Variants in PALLD observed in about 807,000 individuals in gnomAD.
The protein encoded by PALLD is palladin, cytoskeletal associated protein, also known as palladin.
In PALLD, 61 loss-of-function variants were observed where a neutral mutation model predicts 123.5. The observed-to-expected ratio is 0.49, with a 90% confidence interval of 0.40 to 0.61. PALLD has a LOEUF of 0.61. PALLD is among the 20% of genes least tolerant of loss of function. The pLI is 0.00. For missense variants in PALLD, 1,273 were observed against 1,377.0 expected (o/e 0.92, Z 1.20); for synonymous variants, 465 against 496.4 (o/e 0.94, Z 0.84).
rs1171841834 is a variant in PALLD, at chr4:168,924,107, T to C, written c.3059-148T>C. On this transcript the variant is annotated intron_variant, in intron 18 of 21. Coordinates refer to ENST00000505667, the MANE Select transcript of PALLD (RefSeq NM_001166108.2). Reference sequence around the variant, plus strand: ...AGACCTTTGCTTGGTAAAAGAATAATTTGGAGAGGGGACTAGCATCTTACC... The same window carrying C: ...AGACCTTTGCTTGGTAAAAGAATAACTTGGAGAGGGGACTAGCATCTTACC... 7.4e-6 allele frequency: 5 copies of C among 678,964 alleles called. No homozygotes were observed. The Admixed American group carries it at 9.9e-5, about 13-fold the overall frequency. 42.1% of individuals were successfully genotyped at this position (678,964 alleles called of 1,614,324 possible). A position where few individuals can be genotyped will look rare whatever the true frequency, so the allele number is the denominator to read the frequency against.
At chr4:168,609,049 A>C (rs1241278896) in intron 2 of PALLD, among the ~76,000 whole-genome samples, 1 of 152,042 alleles carries the variant, frequency 6.6e-6, no homozygotes, top group Non-Finnish European at 1.5e-5. Flanking sequence ...ACCTCTCCAT[A>C]AAATTGGGTG....
chr4:168,854,907 C>T (rs760524589), intron 10 of PALLD, among the ~76,000 whole-genome samples: 10 of 152,162 alleles, frequency 6.6e-5, no homozygotes, highest in Non-Finnish European at 1.2e-4. Context: ...TTGGGTCCGT[C>T]TGTGCTGAGC....
intron 14 of PALLD, among the ~76,000 whole-genome samples, chr4:168,901,361 T>G (rs1327818986): frequency 1.3e-5 from 2 of 152,220 alleles, no homozygotes; most frequent in Non-Finnish European, 2.9e-5. Flanking sequence ...GTTCTCGTGC[T>G]TGTGCCCTCC....
intron 10 of PALLD, among the ~76,000 whole-genome samples, chr4:168,803,879 GCTAAT>G (rs1739742455): frequency 6.6e-6 from 1 of 152,170 alleles, no homozygotes; most frequent in Non-Finnish European, 1.5e-5. Context: ...GTCAGCAGAA[GCTAAT>G]TTACACCCTG....
At chr4:168,801,544 C>T (rs1049447031) in intron 10 of PALLD, among the ~76,000 whole-genome samples, 4 of 152,188 alleles carry the variant, frequency 2.6e-5, no homozygotes, top group Non-Finnish European at 4.4e-5. Context: ...TCCCAAAGTG[C>T]TGGGATCACA....
intron 2 of PALLD, among the ~76,000 whole-genome samples, chr4:168,523,251 GT>G (rs1763735209): frequency 7.5e-6 from 1 of 132,810 alleles, no homozygotes; most frequent in African/African-American, 2.7e-5. Context: ...GGAGGGGAGG[GT>G]AAGGAAGGAG....
rs1203916185 is a variant in PALLD, at chr4:168,869,847, C to A, written c.1965-21075C>A. On this transcript the variant is annotated intron_variant, in intron 10 of 21. Transcript: ENST00000505667. The surrounding 1 kb of genome is among the most constrained non-coding windows in gnomAD (Gnocchi z 4.5). ...GTGAGAGTGATGCAGCTGACTGACT[C>A]CTTGTGCAAAGAGGAGTGTAAAGTT... Among the ~76,000 whole-genome samples, 1 of 152,038 alleles carries A rather than the reference C, an allele frequency of 6.6e-6. No homozygotes were observed. The highest frequency in any genetic ancestry group is 1.9e-4 in the East Asian group (1 of 5,190).
At chr4:168,555,708 C>T (rs757140632) in intron 2 of PALLD, among the ~76,000 whole-genome samples, 7 of 152,168 alleles carry the variant, frequency 4.6e-5, no homozygotes, top group Non-Finnish European at 1.0e-4. Context: ...AATAGACTTG[C>T]CAAGCATAAC....
At chr4:168,883,606 G>A (rs534538866) in intron 10 of PALLD, among the ~76,000 whole-genome samples, 2 of 152,268 alleles carry the variant, frequency 1.3e-5, no homozygotes, top group East Asian at 3.9e-4. Context: ...TTATTCAGTA[G>A]CCAAAAAAAG....
At chr4:168,550,383 AG>A (rs1766606006) in intron 2 of PALLD, among the ~76,000 whole-genome samples, 2 of 152,208 alleles carry the variant, frequency 1.3e-5, no homozygotes, top group South Asian at 4.1e-4. Flanking sequence ...GAGCTCCCCC[AG>A]GCCTACAAGT....
intron 8 of PALLD, among the ~76,000 whole-genome samples, chr4:168,705,953 A>G (rs2150181886): frequency 6.6e-6 from 1 of 152,308 alleles, no homozygotes; most frequent in East Asian, 1.9e-4. Flanking sequence ...TTAAATTACC[A>G]TAAATGGATG....
intron 16 of PALLD, 109 bp downstream of exon 16, chr4:168,914,130 T>C (rs1759624135): frequency 3.9e-6 from 3 of 766,090 alleles, no homozygotes; most frequent in African/African-American, 3.5e-5. Context: ...AACTGGAAGA[T>C]AGAATAGGAA....
In PALLD at chr4:168,903,796, A is replaced by T. The variant is rs1304907226; in HGVS notation, c.2512A>T (p.Ser838Cys). ...FKDGKQISPK[S>C]DHYTIQRDLD... ...AGATGGGAAGCAGATCTCTCCAAAG[A>T]GTGATCACTACACCATTCAAAGAGA... Residue 838 changes from serine (S) to cysteine (C), a missense_variant, in exon 15 of 22, where the codon AGT becomes TGT. This residue lies in a region of PALLD where 329 missense variants were observed against 422.5 expected (regional missense o/e 0.78). Coordinates refer to ENST00000505667, the MANE Select transcript of PALLD (RefSeq NM_001166108.2). 1 of 1,612,102 alleles carries T rather than the reference A, an allele frequency of 6.2e-7. No individual in the cohort carries two copies. Among genetic ancestry groups the T allele is most frequent in the Admixed American group, 1.7e-5 (1 of 60,026 alleles).
chr4:168,558,399 A>G (rs889347410), intron 2 of PALLD, among the ~76,000 whole-genome samples: 3 of 152,184 alleles, frequency 2.0e-5, no homozygotes, highest in African/African-American at 4.8e-5. Context: ...GGTATCCCAC[A>G]TGCAAGGAAG....
chr4:168,558,538 C>T (rs1234174364), intron 2 of PALLD, among the ~76,000 whole-genome samples: 1 of 152,220 alleles, frequency 6.6e-6, no homozygotes, highest in African/African-American at 2.4e-5. Flanking sequence ...TGAGTCTCTT[C>T]ACCAGCCCTT....
intron 18 of PALLD, 52 bp downstream of exon 18, chr4:168,921,793 C>T: frequency 1.5e-6 from 2 of 1,326,020 alleles, no homozygotes; most frequent in South Asian, 1.2e-5. Context: ...ATCAGACTTA[C>T]AAATGTAAAC....
rs540971142 is a variant in PALLD, at chr4:168,603,998, A to T, written c.909-64192A>T. ...ATATCCAGAAATATCTCATGGTATT[A>T]ATCGTGAAACATAATCTGGAAAAAA... On this transcript the variant is annotated intron_variant, in intron 2 of 21. Coordinates refer to ENST00000505667, the MANE Select transcript of PALLD (RefSeq NM_001166108.2). Among the ~76,000 whole-genome samples, 7 of 152,382 alleles carry T rather than the reference A, an allele frequency of 4.6e-5. No individual in the cohort carries two copies. The South Asian group carries it at 1.4e-3, about 32-fold the overall frequency.
At chr4:168,745,615 G>A (rs1037946326) in intron 10 of PALLD, among the ~76,000 whole-genome samples, 4 of 152,060 alleles carry the variant, frequency 2.6e-5, no homozygotes, top group African/African-American at 9.7e-5. Flanking sequence ...GAGTTTAATG[G>A]TATTTTCATT....
In PALLD at chr4:168,809,522, A is replaced by G. The variant is rs560692778; in HGVS notation, c.1965-81400A>G. On this transcript the variant is annotated intron_variant, in intron 10 of 21. Transcript: ENST00000505667. ...GCTCCAGGGAAAGTCTTAGACTGAG[A>G]AGAGAGGAGGGCTAAAGACAGACTC... is the stretch of plus-strand genomic sequence containing the variant. Among the ~76,000 whole-genome samples, 97 of 152,246 alleles carry G rather than the reference A, an allele frequency of 6.4e-4. 1 individual carries two copies. The highest frequency in any genetic ancestry group is 2.2e-3 in the African/African-American group (90 of 41,536).
Sources: allele counts gnomAD v4.1 joint callset (sites outside exome capture counted in the v4.1 genomes callset), GRCh38; gene constraint gnomAD v4.1.1; regional missense constraint gnomAD v4.1.1; non-coding constraint Gnocchi (gnomAD v3.1); transcripts MANE v1.5; gene names NCBI Gene and HGNC (gene_info 2026-07-23, HGNC 2026-07-21).